Variants in RIMS1 observed in about 807,000 individuals in gnomAD.
RIMS1 encodes the protein regulating synaptic membrane exocytosis 1.
In RIMS1, 83 loss-of-function variants were observed where a neutral mutation model predicts 214.1. The ratio of observed to expected loss-of-function variants is 0.39; its 90% CI spans 0.32 to 0.47. RIMS1 has a LOEUF of 0.47. Ranked by LOEUF, RIMS1 falls within the 20% of genes least tolerant of loss-of-function variation. The pLI, the probability that RIMS1 is intolerant of heterozygous loss-of-function variation, is 0.99. For synonymous variants in RIMS1, 793 were observed against 786.8 expected, an observed-to-expected ratio of 1.01 and a Z score of -0.13; for missense variants, 2,050 against 2,161.8, an observed-to-expected ratio of 0.95 and a Z score of 1.03.
At chr6:72,343,987 G>T (rs899243107) in intron 29 of RIMS1, among the ~76,000 whole-genome samples, 2 of 151,652 alleles carry the variant, frequency 1.3e-5, no homozygotes, top group Admixed American at 6.6e-5. Context: ...ACATCTAAAG[G>T]GATAGTGCTT....
intron 28 of RIMS1, among the ~76,000 whole-genome samples, chr6:72,325,102 A>T (rs1038121273): frequency 6.6e-6 from 1 of 151,932 alleles, no homozygotes. Context: ...ACAAATATTT[A>T]AAGAATAAAT....
chr6:72,178,170 C>A (rs192777073), intron 4 of RIMS1, among the ~76,000 whole-genome samples: 60 of 152,154 alleles, frequency 3.9e-4, no homozygotes, highest in Middle Eastern at 3.4e-3. Context: ...TTTTTTATAG[C>A]AAGTATTTCT....
intron 2 of RIMS1, among the ~76,000 whole-genome samples, chr6:71,981,176 G>C (rs1798383444): frequency 6.6e-6 from 1 of 152,048 alleles, no homozygotes; most frequent in African/African-American, 2.4e-5. Flanking sequence ...ATCAACTCTG[G>C]TAACAATAAC....
chr6:72,390,008 G>A (rs2098676790), intron 29 of RIMS1, among the ~76,000 whole-genome samples: 1 of 152,126 alleles, frequency 6.6e-6, no homozygotes, highest in Admixed American at 6.6e-5. Context: ...GATAAAACCT[G>A]TTACACCTAA....
intron 1 of RIMS1, among the ~76,000 whole-genome samples, chr6:71,963,422 A>G (rs866436842): frequency 2.8e-4 from 43 of 152,332 alleles, no homozygotes; most frequent in Middle Eastern, 3.4e-3. Flanking sequence ...CATGATAGGT[A>G]TTAAATATGT....
intron 1 of RIMS1, among the ~76,000 whole-genome samples, chr6:71,898,564 C>T (rs543653947): frequency 1.3e-5 from 2 of 152,256 alleles, no homozygotes; most frequent in South Asian, 4.1e-4. Flanking sequence ...TGAGTGGGAA[C>T]TCAGTGACTA....
chr6:72,221,968 C>T (rs1004053801), intron 6 of RIMS1, among the ~76,000 whole-genome samples: 3 of 151,920 alleles, frequency 2.0e-5, no homozygotes, highest in Non-Finnish European at 4.4e-5. Flanking sequence ...TCAATGTGCA[C>T]ATTTTTATTG....
intron 9 of RIMS1, 140 bp from the exon 10 acceptor site, chr6:72,242,174 A>G: frequency 6.2e-6 from 4 of 642,648 alleles, no homozygotes; most frequent in Non-Finnish European, 1.1e-5. Context: ...TTATATGGCA[A>G]TCAATTTGCT....
chr6:72,333,965 G>C lies in RIMS1; in HGVS notation c.4366+130G>C, dbSNP rs932457499. On this transcript the variant is annotated intron_variant, in intron 29 of 33. Coordinates refer to ENST00000521978, the MANE Select transcript of RIMS1 (RefSeq NM_014989.7). ...CTTTGAAAAGAAAATTTATTTTTCT[G>C]TCTCTGAAAATCTGCTAAATTTATG... The C allele has an allele frequency of 4.3e-6, 3 of 693,568 alleles. No individual in the cohort carries two copies. In the Admixed American group the frequency reaches 8.6e-5, roughly 20 times the overall value. The allele number at this position is 693,568 out of a possible 1,614,324, so 43.0% of individuals were successfully genotyped here. A position where few individuals can be genotyped will look rare whatever the true frequency, so the allele number is the denominator to read the frequency against.
chr6:72,024,007 T>C (rs1277832819), intron 2 of RIMS1, among the ~76,000 whole-genome samples: 2 of 152,058 alleles, frequency 1.3e-5, no homozygotes, highest in Non-Finnish European at 2.9e-5. Flanking sequence ...CTTAATGAGG[T>C]GAAACTACAA....
chr6:72,339,602 A>G (rs2096973596), intron 29 of RIMS1, among the ~76,000 whole-genome samples: 1 of 152,042 alleles, frequency 6.6e-6, no homozygotes, highest in African/African-American at 2.4e-5. Context: ...TGTCCCTACA[A>G]AGGACATGAA....
intron 16 of RIMS1, among the ~76,000 whole-genome samples, chr6:72,254,689 A>G (rs2075024676): frequency 6.6e-6 from 1 of 152,212 alleles, no homozygotes; most frequent in Non-Finnish European, 1.5e-5. Context: ...TGCACAAATG[A>G]TGAGTTTCTT....
intron 1 of RIMS1, among the ~76,000 whole-genome samples, chr6:71,963,871 A>G (rs1341709299): frequency 6.6e-6 from 1 of 152,026 alleles, no homozygotes; most frequent in African/African-American, 2.4e-5. Context: ...AAATCTATAG[A>G]TTTTCATTCT....
chr6:72,179,430 G>A, intron 4 of RIMS1, 145 bp from the exon 5 acceptor site: 1 of 754,792 alleles, frequency 1.3e-6, no homozygotes, highest in Non-Finnish European at 2.3e-6. Flanking sequence ...ACTGTGACTT[G>A]TGGGAGGACC....
At chr6:71,950,967 A>G (rs1344780127) in intron 1 of RIMS1, among the ~76,000 whole-genome samples, 1 of 152,222 alleles carries the variant, frequency 6.6e-6, no homozygotes, top group Non-Finnish European at 1.5e-5. Context: ...TTAAGATGTT[A>G]TAACATTTTA....
At chr6:71,938,163 G>C (rs1381070293) in intron 1 of RIMS1, among the ~76,000 whole-genome samples, 1 of 152,202 alleles carries the variant, frequency 6.6e-6, no homozygotes, top group African/African-American at 2.4e-5. Context: ...TAGTCTTAAA[G>C]CTGGAGAATA....
intron 4 of RIMS1, among the ~76,000 whole-genome samples, chr6:72,141,518 T>G (rs927700622): frequency 6.6e-5 from 10 of 152,000 alleles, no homozygotes; most frequent in Non-Finnish European, 8.8e-5. Context: ...ACATTTTCCC[T>G]AAGAATAATA....
intron 1 of RIMS1, among the ~76,000 whole-genome samples, chr6:71,938,237 G>GCAGT (rs1785022327): frequency 6.6e-6 from 1 of 152,184 alleles, no homozygotes; most frequent in East Asian, 1.9e-4. Context: ...AGTTGTGCCT[G>GCAGT]CAGTCTTCCC....
At chr6:72,108,822 G>A (rs983320430) in intron 4 of RIMS1, among the ~76,000 whole-genome samples, 6 of 149,772 alleles carry the variant, frequency 4.0e-5, no homozygotes, top group Non-Finnish European at 8.9e-5. Context: ...TTAGCATTAG[G>A]TATATCTCCT....
Sources: allele counts gnomAD v4.1 joint callset (sites outside exome capture counted in the v4.1 genomes callset), GRCh38; gene constraint gnomAD v4.1.1; transcripts MANE v1.5; gene names NCBI Gene and HGNC (gene_info 2026-07-23, HGNC 2026-07-21).